The following SLC9A9 variants were observed in gnomAD, a reference collection of about 807,000 sequenced individuals.
SLC9A9 encodes the protein sodium/hydrogen exchanger 9.
In SLC9A9, 62 loss-of-function variants were observed where a neutral mutation model predicts 77.8. The ratio of observed to expected loss-of-function variants is 0.80; its 90% confidence interval spans 0.65 to 0.98. The LOEUF is 0.98. Ranked by LOEUF, SLC9A9 falls within the 50% of genes least tolerant of loss-of-function variation. The pLI is 0.00. For missense variants in SLC9A9, 775 were observed against 774.9 expected, an observed-to-expected ratio of 1.00 and a Z score of 0.00; for synonymous variants, 320 against 283.5, an observed-to-expected ratio of 1.13 and a Z score of -1.29.
rs770040105 is a variant in SLC9A9 at position 143,279,661 on chromosome 3, G to A, written c.1605-10681C>T. On this transcript the variant is annotated intron_variant, in intron 14 of 15. Coordinates refer to ENST00000316549, the MANE Select transcript of SLC9A9 (RefSeq NM_173653.4). ...CTCCCACTTATGAGTGAGAACATGC[G>A]GTGTTTGGTTTTCTGTTCCTATGTT... 3.2e-4 allele frequency among the ~76,000 whole-genome samples: 48 copies of A among 152,056 alleles called. 1 individual carries two copies. The highest frequency in any genetic ancestry group is 6.6e-4 in the Admixed American group (10 of 15,252).
chr3:143,279,552 A>G (rs188021641), intron 14 of SLC9A9, among the ~76,000 whole-genome samples: 4 of 152,150 alleles, frequency 2.6e-5, no homozygotes, highest in African/African-American at 9.6e-5. Flanking sequence ...TCCTAATGCT[A>G]TCCCTCCCCT....
intron 6 of SLC9A9, among the ~76,000 whole-genome samples, chr3:143,631,686 G>A (rs114057264): frequency 0.02 from 3,007 of 152,168 alleles, 94 homozygotes; most frequent in African/African-American, 0.068. Context: ...GTTAAGGGGA[G>A]GGATAGCCGC....
intron 6 of SLC9A9, among the ~76,000 whole-genome samples, chr3:143,608,386 G>C (rs2037962328): frequency 6.6e-6 from 1 of 152,106 alleles, no homozygotes; most frequent in African/African-American, 2.4e-5. Flanking sequence ...CAAGGCTTTT[G>C]GCTGTTGGTC....
At chr3:143,468,663 A>G (rs902833839) in intron 11 of SLC9A9, among the ~76,000 whole-genome samples, 2 of 152,252 alleles carry the variant, frequency 1.3e-5, no homozygotes, top group Non-Finnish European at 2.9e-5. Flanking sequence ...GTGTCAGACA[A>G]CAAAGAAAAC....
intron 14 of SLC9A9, among the ~76,000 whole-genome samples, chr3:143,302,728 C>T (rs181937249): frequency 6.6e-6 from 1 of 152,194 alleles, no homozygotes; most frequent in Non-Finnish European, 1.5e-5. Context: ...TTACTGGGAA[C>T]AGACAGAATG....
At chr3:143,619,769 TTTTC>T (rs1484459332) in intron 6 of SLC9A9, among the ~76,000 whole-genome samples, 1 of 152,196 alleles carries the variant, frequency 6.6e-6, no homozygotes, top group Non-Finnish European at 1.5e-5. Flanking sequence ...AAGCATACCC[TTTTC>T]TTTCTCAGTA....
chr3:143,632,320 T>C (rs1458482584), intron 6 of SLC9A9, among the ~76,000 whole-genome samples: 1 of 152,112 alleles, frequency 6.6e-6, no homozygotes, highest in Non-Finnish European at 1.5e-5. Flanking sequence ...GAGAGTGGCC[T>C]GGGATGGGGG....
chr3:143,276,329 T>A (rs893664855), intron 14 of SLC9A9, among the ~76,000 whole-genome samples: 4 of 152,224 alleles, frequency 2.6e-5, no homozygotes, highest in Non-Finnish European at 5.9e-5. Context: ...GCTACTCCAT[T>A]GCTTCCTTTT....
At chr3:143,299,907 C>T (rs1196713160) in intron 14 of SLC9A9, among the ~76,000 whole-genome samples, 2 of 152,176 alleles carry the variant, frequency 1.3e-5, no homozygotes, top group South Asian at 4.1e-4. Flanking sequence ...AGGTAGGTCA[C>T]TTAAACTTTA....
At chr3:143,494,284 C>T (rs1050847911) in intron 10 of SLC9A9, among the ~76,000 whole-genome samples, 1 of 152,178 alleles carries the variant, frequency 6.6e-6, no homozygotes, top group African/African-American at 2.4e-5. Context: ...ACAACTGTTG[C>T]TTTATCTGGC....
intron 5 of SLC9A9, among the ~76,000 whole-genome samples, chr3:143,685,457 T>C (rs1933232651): frequency 6.6e-6 from 1 of 152,146 alleles, no homozygotes; most frequent in South Asian, 2.1e-4. Context: ...TGGACAAGTC[T>C]CTGAATTAAT....
At chr3:143,452,226 C>T (rs1287144089) in intron 12 of SLC9A9, among the ~76,000 whole-genome samples, 1 of 151,936 alleles carries the variant, frequency 6.6e-6, no homozygotes, top group African/African-American at 2.4e-5. Flanking sequence ...ACACTGTCAC[C>T]ACATGAACAA....
At chr3:143,291,553 G>A (rs1159401275) in intron 14 of SLC9A9, among the ~76,000 whole-genome samples, 1 of 152,152 alleles carries the variant, frequency 6.6e-6, no homozygotes, top group East Asian at 1.9e-4. Flanking sequence ...GGCCTCTCAG[G>A]TCAGCACTCA....
In SLC9A9 at chr3:143,518,817, C is replaced by T. The variant is rs182555453; in HGVS notation, c.1090-23369G>A. 1.1e-3 allele frequency among the ~76,000 whole-genome samples: 162 copies of T among 152,262 alleles called. 1 individual carries two copies. Among genetic ancestry groups the T allele is most frequent in the African/African-American group, 3.8e-3 (156 of 41,538 alleles). On this transcript the variant is annotated intron_variant, in intron 9 of 15. Transcript: ENST00000316549. ...CATTTTGGTTGTGTCCAGTGCTTTG[C>T]TATAACAAACAGTGGAACAGTGGAA...
intron 14 of SLC9A9, among the ~76,000 whole-genome samples, chr3:143,348,389 G>A (rs1490826987): frequency 6.6e-6 from 1 of 152,198 alleles, no homozygotes; most frequent in African/African-American, 2.4e-5. Context: ...ATCACAGGAA[G>A]TTAATATGCC....
chr3:143,480,180 G>A (rs1374814875), intron 11 of SLC9A9, among the ~76,000 whole-genome samples: 1 of 152,214 alleles, frequency 6.6e-6, no homozygotes, highest in African/African-American at 2.4e-5. Context: ...AAAAAATATT[G>A]TGGTGTGCCA....
intron 13 of SLC9A9, among the ~76,000 whole-genome samples, chr3:143,368,350 C>G (rs1559885431): frequency 6.6e-6 from 1 of 152,096 alleles, no homozygotes; most frequent in Non-Finnish European, 1.5e-5. Context: ...AAAACAGACA[C>G]CAAAGCAAGA....
chr3:143,417,073 A>G (rs1389860856), intron 12 of SLC9A9, among the ~76,000 whole-genome samples: 1 of 152,180 alleles, frequency 6.6e-6, no homozygotes, highest in African/African-American at 2.4e-5. Flanking sequence ...TTTGCCAATC[A>G]GTCTAAAGAG....
chr3:143,512,227 G>A (rs1467561007), intron 9 of SLC9A9, among the ~76,000 whole-genome samples: 1 of 152,186 alleles, frequency 6.6e-6, no homozygotes, highest in African/African-American at 2.4e-5. Flanking sequence ...CATCCAGCAC[G>A]GAGATTAGGA....
Sources: allele counts gnomAD v4.1 joint callset (sites outside exome capture counted in the v4.1 genomes callset), GRCh38; gene constraint gnomAD v4.1.1; transcripts MANE v1.5; gene names NCBI Gene and HGNC (gene_info 2026-07-23, HGNC 2026-07-21).